Variants in RALGPS2 observed in about 807,000 individuals in gnomAD.
RALGPS2 encodes the protein ras-specific guanine nucleotide-releasing factor RalGPS2.
In RALGPS2, 43 loss-of-function variants were observed where a neutral mutation model predicts 86.8. That is an observed-to-expected ratio of 0.50 (90% CI 0.39 to 0.64). RALGPS2 has a LOEUF of 0.64. RALGPS2 is among the 30% of genes least tolerant of loss of function. The pLI, the probability that RALGPS2 is intolerant of heterozygous loss-of-function variation, is 0.00. For missense variants in RALGPS2, 536 were observed against 694.6 expected (o/e 0.77, Z 2.57); for synonymous variants, 243 against 231.3 (o/e 1.05, Z -0.46).
intron 1 of RALGPS2, among the ~76,000 whole-genome samples, chr1:178,729,305 A>G (rs1650204958): frequency 6.6e-6 from 1 of 152,110 alleles, no homozygotes; most frequent in African/African-American, 2.4e-5. Context: ...TTTATCTGAC[A>G]TTAAAACGTA....
chr1:178,907,850 C>T (rs962849323), intron 19 of RALGPS2, among the ~76,000 whole-genome samples: 1 of 152,052 alleles, frequency 6.6e-6, no homozygotes, highest in Non-Finnish European at 1.5e-5. Flanking sequence ...GAAACTAAGG[C>T]TCCATAATAC....
chr1:178,819,686 T>C (rs1655404554), intron 6 of RALGPS2, among the ~76,000 whole-genome samples: 2 of 152,238 alleles, frequency 1.3e-5, no homozygotes, highest in South Asian at 4.1e-4. Context: ...TTTCATAAGA[T>C]GTGTTTCATA....
At chr1:178,808,240 A>G (rs1022631731) in intron 5 of RALGPS2, 112 bp downstream of exon 5, 1 of 754,570 alleles carries the variant, frequency 1.3e-6, no homozygotes, top group African/African-American at 1.8e-5. Context: ...TTCAGCCAGT[A>G]TCTCTCAAGT....
chr1:178,798,893 G>T (rs1423441618), intron 4 of RALGPS2, among the ~76,000 whole-genome samples: 1 of 152,176 alleles, frequency 6.6e-6, no homozygotes, highest in East Asian at 1.9e-4. Flanking sequence ...GCAAAGGATG[G>T]TTTGATAATT....
intron 19 of RALGPS2, 81 bp downstream of exon 19, chr1:178,906,948 A>C (rs1660410097): frequency 8.1e-7 from 1 of 1,233,760 alleles, no homozygotes; most frequent in South Asian, 1.3e-5. Context: ...TAAACAGACT[A>C]GTTCTGAATT....
At chr1:178,798,749 G>C (rs539136560) in intron 4 of RALGPS2, among the ~76,000 whole-genome samples, 4 of 152,044 alleles carry the variant, frequency 2.6e-5, no homozygotes, top group Non-Finnish European at 5.9e-5. Flanking sequence ...TGAAAATGCA[G>C]CTTTTTAAAT....
At chr1:178,729,249 C>T (rs1037662668) in intron 1 of RALGPS2, among the ~76,000 whole-genome samples, 2 of 152,106 alleles carry the variant, frequency 1.3e-5, no homozygotes, top group Admixed American at 6.5e-5. Context: ...CCCCATCATA[C>T]TCTGTGCCTT....
chr1:178,836,554 A>G (rs987772958), intron 8 of RALGPS2, among the ~76,000 whole-genome samples: 5 of 152,176 alleles, frequency 3.3e-5, no homozygotes, highest in Admixed American at 6.5e-5. Flanking sequence ...TAAGGTCACC[A>G]GTGACTTCCT....
At chr1:178,760,887 G>T (rs1470078046) in intron 1 of RALGPS2, among the ~76,000 whole-genome samples, 3 of 151,744 alleles carry the variant, frequency 2.0e-5, no homozygotes, top group African/African-American at 7.3e-5. Context: ...TATTTTCCAG[G>T]TGGTTTTCTT....
chr1:178,788,814 T>TTTTCA (rs1458043136), intron 4 of RALGPS2, among the ~76,000 whole-genome samples: 9 of 144,624 alleles, frequency 6.2e-5, no homozygotes, highest in African/African-American at 2.3e-4. Flanking sequence ...CTTTCTTTTC[T>TTTTCA]TTTCTTTTCT....
chr1:178,916,226 A>C (rs1279298507), intron 19 of RALGPS2, 104 bp from the exon 20 acceptor site: 3 of 873,144 alleles, frequency 3.4e-6, no homozygotes, highest in Non-Finnish European at 5.4e-6. Flanking sequence ...TTTAAAAGAT[A>C]CTTAAGTAGA....
intron 1 of RALGPS2, among the ~76,000 whole-genome samples, chr1:178,748,987 T>TTTTG (rs754199720): frequency 6.6e-6 from 1 of 152,150 alleles, no homozygotes; most frequent in African/African-American, 2.4e-5. Context: ...ATAAAGGTTT[T>TTTTG]TTTGTTTGTT....
intron 1 of RALGPS2, among the ~76,000 whole-genome samples, chr1:178,742,248 G>A (rs1008160387): frequency 5.9e-5 from 9 of 151,596 alleles, no homozygotes; most frequent in Non-Finnish European, 1.2e-4. Flanking sequence ...GACACAAATA[G>A]GCTAAAAGTA....
At chr1:178,738,353 C>T (rs1650839434) in intron 1 of RALGPS2, among the ~76,000 whole-genome samples, 1 of 151,936 alleles carries the variant, frequency 6.6e-6, no homozygotes, top group African/African-American at 2.4e-5. Context: ...GGATTACAGG[C>T]ACATGCCACC....
intron 8 of RALGPS2, chr1:178,851,308 C>A (rs758492969): frequency 6.2e-7 from 1 of 1,606,408 alleles, no homozygotes; most frequent in Non-Finnish European, 8.5e-7. Context: ...TGAAAGTGGG[C>A]GCAGTTTCCT....
intron 19 of RALGPS2, among the ~76,000 whole-genome samples, chr1:178,914,259 G>A (rs1269436739): frequency 6.6e-6 from 1 of 152,064 alleles, no homozygotes; most frequent in Non-Finnish European, 1.5e-5. Context: ...CATACCCCCT[G>A]GGCTCCATGT....
intron 1 of RALGPS2, among the ~76,000 whole-genome samples, chr1:178,741,683 AAGG>A (rs1651033495): frequency 6.6e-6 from 1 of 152,242 alleles, no homozygotes; most frequent in South Asian, 2.1e-4. Context: ...GAAGCCAACA[AAGG>A]AGATAAAATG....
At chr1:178,904,296 TG>T (rs1358762897) in intron 18 of RALGPS2, among the ~76,000 whole-genome samples, 6 of 152,230 alleles carry the variant, frequency 3.9e-5, no homozygotes, top group Non-Finnish European at 8.8e-5. Context: ...TCCCACTCTA[TG>T]GGTTGTCTGT....
At chr1:178,829,379 G>T (rs972373414) in intron 7 of RALGPS2, among the ~76,000 whole-genome samples, 1 of 152,184 alleles carries the variant, frequency 6.6e-6, no homozygotes, top group Non-Finnish European at 1.5e-5. Context: ...TGGGCAGCAG[G>T]CAAGTGAGCA....
Sources: allele counts gnomAD v4.1 joint callset (sites outside exome capture counted in the v4.1 genomes callset), GRCh38; gene constraint gnomAD v4.1.1; transcripts MANE v1.5; gene names NCBI Gene and HGNC (gene_info 2026-07-23, HGNC 2026-07-21).